The following DAB1 variants were observed in gnomAD, a reference collection of about 807,000 sequenced individuals.
DAB1 encodes DAB adaptor protein 1, also known as disabled homolog 1.
Under a neutral mutation model 64.6 loss-of-function variants are expected in DAB1, and 15 were observed. The observed-to-expected ratio is 0.23, with a 90% CI of 0.16 to 0.36. DAB1 has a LOEUF of 0.36. DAB1 is among the 10% of genes least tolerant of loss of function. The pLI is 1.00. For synonymous variants in DAB1, 235 were observed against 251.9 expected, an observed-to-expected ratio of 0.93 and a Z score of 0.64; for missense variants, 596 against 706.7, an observed-to-expected ratio of 0.84 and a Z score of 1.78.
chr1:57,127,520 A>G (rs1203312759), intron 4 of DAB1, among the ~76,000 whole-genome samples: 1 of 152,104 alleles, frequency 6.6e-6, no homozygotes, highest in Non-Finnish European at 1.5e-5. Flanking sequence ...TTATTTATGT[A>G]TGTCTATTTT....
intron 4 of DAB1, among the ~76,000 whole-genome samples, chr1:58,286,037 A>G (rs925432106): frequency 2.0e-5 from 3 of 152,230 alleles, no homozygotes; most frequent in Non-Finnish European, 4.4e-5. Context: ...ATGATCTTCG[A>G]CAAACCTGAC....
At position 57,507,520 on chromosome 1, in the gene DAB1, T is replaced by C. The variant is rs550368782; in HGVS notation, n.625+142072A>G. Among the ~76,000 whole-genome samples the C allele has an allele frequency of 3.0e-4, 46 of 152,334 alleles. No homozygotes were observed. The South Asian group carries it at 7.5e-3, about 25-fold the overall frequency. On this transcript the variant is annotated intron_variant and non_coding_transcript_variant, in intron 7 of 20. Transcript: ENST00000485760. ...TAACAGGGTTTACATGTTTGGTGAATTGGCTCTATCAGTCTTGACTTGAAA... is the reference window on the plus strand; with the variant it reads ...TAACAGGGTTTACATGTTTGGTGAACTGGCTCTATCAGTCTTGACTTGAAA...
chr1:57,348,087 C>A (rs1678263773), intron 1 of DAB1, among the ~76,000 whole-genome samples: 1 of 152,170 alleles, frequency 6.6e-6, no homozygotes, highest in African/African-American at 2.4e-5. Flanking sequence ...TTGAGCAGCA[C>A]AGGAATATAA....
At chr1:57,534,681 G>T (rs1208103574) in intron 7 of DAB1, among the ~76,000 whole-genome samples, 1 of 152,136 alleles carries the variant, frequency 6.6e-6, no homozygotes, top group Non-Finnish European at 1.5e-5. Flanking sequence ...AGAGTCTCTG[G>T]CTTGGTAATC....
chr1:57,948,224 A>T (rs899173382), intron 5 of DAB1, among the ~76,000 whole-genome samples: 5 of 152,236 alleles, frequency 3.3e-5, no homozygotes, highest in African/African-American at 1.2e-4. Context: ...AAGAAGACAC[A>T]TCGTGTAACT....
chr1:57,855,175 G>A (rs1353310350), intron 1 of DAB1, among the ~76,000 whole-genome samples: 2 of 152,178 alleles, frequency 1.3e-5, no homozygotes, highest in Admixed American at 6.5e-5. Flanking sequence ...AGGGCTGGAG[G>A]AAGCTGAGGG....
intron 4 of DAB1, among the ~76,000 whole-genome samples, chr1:57,082,860 G>A (rs975600085): frequency 5.3e-5 from 8 of 152,054 alleles, no homozygotes; most frequent in African/African-American, 1.7e-4. Flanking sequence ...ACATAATCTT[G>A]TTCCCCTTTA....
intron 4 of DAB1, among the ~76,000 whole-genome samples, chr1:58,305,716 G>GC (rs1297701370): frequency 2.0e-5 from 3 of 152,154 alleles, no homozygotes; most frequent in Non-Finnish European, 4.4e-5. Context: ...AAGTAGGTCA[G>GC]CCCATTCCCC....
chr1:57,556,146 T>G (rs1644985659), intron 7 of DAB1, among the ~76,000 whole-genome samples: 1 of 152,108 alleles, frequency 6.6e-6, no homozygotes, highest in South Asian at 2.1e-4. Context: ...CTATGGTATA[T>G]ACATACCACG....
intron 3 of DAB1, among the ~76,000 whole-genome samples, chr1:58,452,070 T>C (rs1645143521): frequency 6.6e-6 from 1 of 151,964 alleles, no homozygotes; most frequent in African/African-American, 2.4e-5. Flanking sequence ...GTGGCTGGGA[T>C]TACAGGTGCG....
intron 7 of DAB1, among the ~76,000 whole-genome samples, chr1:57,625,256 A>C (rs1645908546): frequency 1.4e-5 from 2 of 144,298 alleles, no homozygotes; most frequent in South Asian, 2.3e-4. Context: ...TCCTTCTTCT[A>C]CTCCTGGCTC....
rs552464174 is a variant in DAB1, at chr1:57,049,070, G to A, written c.723+13814C>T. Among the ~76,000 whole-genome samples, 3 of 152,264 alleles carry A rather than the reference G, an allele frequency of 2.0e-5. No individual in the cohort carries two copies. The South Asian group carries it at 6.2e-4, about 32-fold the overall frequency. ...GCCAGATATCATTCAGAGTGATAATGTGACAACCCAAATGTGAGTCCTGGA... is the reference window on the plus strand; with the variant it reads ...GCCAGATATCATTCAGAGTGATAATATGACAACCCAAATGTGAGTCCTGGA... On this transcript the variant is annotated intron_variant, in intron 9 of 14. Transcript: ENST00000371236.
At chr1:57,590,365 G>C (rs747567033) in intron 7 of DAB1, among the ~76,000 whole-genome samples, 2 of 151,574 alleles carry the variant, frequency 1.3e-5, no homozygotes, top group Admixed American at 6.6e-5. Context: ...CTGTCACCAG[G>C]TTGGAGTGCA....
At chr1:58,420,519 C>T (rs1256943906) in intron 3 of DAB1, among the ~76,000 whole-genome samples, 1 of 152,214 alleles carries the variant, frequency 6.6e-6, no homozygotes, top group African/African-American at 2.4e-5. Flanking sequence ...CAACGGTTCA[C>T]AGACAATGCT....
At chr1:57,885,319 G>C (rs139649817), upstream of DAB1, among the ~76,000 whole-genome samples, 258 of 152,310 alleles carry the variant, frequency 1.7e-3, 7 homozygotes, top group South Asian at 0.044. Context: ...ATGTAGAAAA[G>C]TTGCTTGTGA....
At chr1:57,877,555 T>C (rs201854189) in intron 1 of DAB1, among the ~76,000 whole-genome samples, 1 of 20,804 alleles carries the variant, frequency 4.8e-5, no homozygotes, top group Non-Finnish European at 9.0e-5. Flanking sequence ...ATTTTTTTTT[T>C]TTTTTTTTTT....
At chr1:57,166,799 T>A (rs1661248277) in intron 2 of DAB1, among the ~76,000 whole-genome samples, 1 of 152,130 alleles carries the variant, frequency 6.6e-6, no homozygotes, top group African/African-American at 2.4e-5. Context: ...TGGGCACCCA[T>A]CATAAGTCAG....
intron 3 of DAB1, among the ~76,000 whole-genome samples, chr1:58,451,771 T>C (rs11207232): frequency 0.063 from 9,618 of 152,074 alleles, 1,064 homozygotes; most frequent in African/African-American, 0.22. Context: ...CAGTTAATGA[T>C]AAATGGAGCA....
chr1:57,351,722 A>G (rs1246191628), intron 1 of DAB1, among the ~76,000 whole-genome samples: 1 of 151,922 alleles, frequency 6.6e-6, no homozygotes, highest in African/African-American at 2.4e-5. Flanking sequence ...AGCAGGGTGG[A>G]CCCCTGGTGT....
Sources: allele counts gnomAD v4.1 joint callset (sites outside exome capture counted in the v4.1 genomes callset), GRCh38; gene constraint gnomAD v4.1.1; transcripts MANE v1.5; gene names NCBI Gene and HGNC (gene_info 2026-07-23, HGNC 2026-07-21).